The following DOCK2 variants were observed in gnomAD, a reference collection of about 807,000 sequenced individuals.
The protein encoded by DOCK2 is dedicator of cytokinesis 2, also known as dedicator of cytokinesis protein 2.
Under a neutral mutation model 248.9 loss-of-function variants are expected in DOCK2, and 87 were observed. That is an observed-to-expected ratio of 0.35 (90% CI 0.29 to 0.42). The LOEUF is 0.42. Ranked by LOEUF, DOCK2 falls within the 10% of genes least tolerant of loss-of-function variation. The pLI, the probability that DOCK2 is intolerant of heterozygous loss-of-function variation, is 1.00. For synonymous variants in DOCK2, 805 were observed against 821.6 expected (o/e 0.98, Z 0.35); for missense variants, 1,747 against 2,300.2 (o/e 0.76, Z 4.92).
chr5:169,645,335 G>T (rs1359125397), intron 1 of DOCK2, among the ~76,000 whole-genome samples: 1 of 152,180 alleles, frequency 6.6e-6, no homozygotes, highest in African/African-American at 2.4e-5. Context: ...ATTCTGACTG[G>T]CATGAGATGG....
chr5:169,956,354 A>G (rs11740357), intron 27 of DOCK2, among the ~76,000 whole-genome samples: 58,243 of 152,088 alleles, frequency 0.38, 11,404 homozygotes, highest in South Asian at 0.51. Context: ...AAGTGATACT[A>G]CTAACTTAAG....
intron 27 of DOCK2, among the ~76,000 whole-genome samples, chr5:169,898,251 A>G (rs545156976): frequency 4.3e-4 from 66 of 152,266 alleles, no homozygotes; most frequent in Non-Finnish European, 7.2e-4. Context: ...ACTGGCTGCC[A>G]TGGTCTCCTT....
intron 29 of DOCK2, among the ~76,000 whole-genome samples, chr5:169,991,024 A>G (rs1170533949): frequency 6.6e-6 from 1 of 152,236 alleles, no homozygotes; most frequent in East Asian, 1.9e-4. Context: ...ACTGCAGCTC[A>G]TTTAGTCTTC....
intron 1 of DOCK2, among the ~76,000 whole-genome samples, chr5:169,643,145 A>G (rs927807335): frequency 2.1e-4 from 32 of 152,288 alleles, no homozygotes; most frequent in African/African-American, 6.7e-4. Flanking sequence ...AAAAACAGTC[A>G]GGCTGAGTTT....
At chr5:169,670,867 C>G (rs1183606323) in intron 4 of DOCK2, among the ~76,000 whole-genome samples, 1 of 152,140 alleles carries the variant, frequency 6.6e-6, no homozygotes, top group Non-Finnish European at 1.5e-5. Flanking sequence ...GTAGATTAAT[C>G]CTAAATAATG....
intron 2 of DOCK2, among the ~76,000 whole-genome samples, chr5:169,658,589 T>A (rs943211376): frequency 2.0e-5 from 3 of 152,062 alleles, no homozygotes; most frequent in Admixed American, 1.3e-4. Context: ...TCTGTCATTC[T>A]ATGTATATAA....
chr5:169,785,516 A>G (rs1435380960), intron 25 of DOCK2, among the ~76,000 whole-genome samples: 1 of 152,248 alleles, frequency 6.6e-6, no homozygotes, highest in Non-Finnish European at 1.5e-5. Flanking sequence ...AGAACTCTCC[A>G]CATATTTCTT....
At chr5:169,735,740 A>G (rs1295043231) in intron 22 of DOCK2, among the ~76,000 whole-genome samples, 2 of 152,200 alleles carry the variant, frequency 1.3e-5, no homozygotes, top group East Asian at 1.9e-4. Context: ...ACTTTAGCCA[A>G]GTAAAAGCTG....
chr5:169,955,655 C>A (rs988640165), intron 27 of DOCK2, among the ~76,000 whole-genome samples: 4 of 152,150 alleles, frequency 2.6e-5, no homozygotes, highest in Admixed American at 2.6e-4. Flanking sequence ...AGAAGGCAGG[C>A]AAACCTGGTT....
Position 169,651,535 on chromosome 5 carries a change from C to T in DOCK2, c.44-2868C>T, listed in dbSNP as rs1757804700. The stretch of plus-strand genomic sequence containing the variant: ...ATCTGATGGACACCCCTGATTTGCT[C>T]GTGCTCCAGAGACTAACACACATTG... On this transcript the variant is annotated intron_variant, in intron 1 of 51. Coordinates refer to ENST00000520908, the MANE Select transcript of DOCK2 (RefSeq NM_004946.3). Among the ~76,000 whole-genome samples the T allele has an allele frequency of 3.9e-5, 6 of 152,252 alleles. No homozygotes were observed. In the Middle Eastern group the frequency reaches 0.01, roughly 259 times the overall value.
At chr5:169,902,025 A>G (rs181931227) in intron 27 of DOCK2, among the ~76,000 whole-genome samples, 8 of 152,336 alleles carry the variant, frequency 5.3e-5, no homozygotes, top group Non-Finnish European at 1.0e-4. Context: ...CAGATGCCCA[A>G]TCAGTCAAAC....
In DOCK2 at chr5:169,674,410, G is replaced by T. The variant is rs1246809052; in HGVS notation, c.435G>T (p.Lys145Asn). 1 of 1,614,062 alleles carries T rather than the reference G, an allele frequency of 6.2e-7. No homozygotes were observed. Among genetic ancestry groups the T allele is most frequent in the Non-Finnish European group, 8.5e-7 (1 of 1,180,008 alleles). Residue 145 changes from lysine (K) to asparagine (N), a missense_variant, in exon 6 of 52, where the codon AAG becomes AAT. Around this residue, in one of 4 missense-constraint regions of DOCK2, gnomAD observed 375 missense variants for 510.9 expected, o/e 0.73. Coordinates refer to ENST00000520908, the MANE Select transcript of DOCK2 (RefSeq NM_004946.3). ...TLPKDELKELKQKVTSKIDYG... is the reference protein window; with the variant it reads ...TLPKDELKELNQKVTSKIDYG... ...CCAAGGATGAGCTGAAGGAACTGAA[G>T]CAGAAAGTCACGTCCAAAATTGACT...
At chr5:169,812,867 A>G (rs1328157892) in intron 26 of DOCK2, among the ~76,000 whole-genome samples, 1 of 152,236 alleles carries the variant, frequency 6.6e-6, no homozygotes, top group East Asian at 1.9e-4. Context: ...AGAACTCTGT[A>G]GCCCCATTAG....
rs555260204 is a variant in DOCK2 at position 169,974,167 on chromosome 5, C to T, written c.2800-8901C>T. Among the ~76,000 whole-genome samples, 85 of 152,310 alleles carry T rather than the reference C, an allele frequency of 5.6e-4. 1 individual carries two copies. The highest frequency in any genetic ancestry group is 1.9e-3 in the African/African-American group (81 of 41,566). On this transcript the variant is annotated intron_variant, in intron 27 of 51. Transcript: ENST00000520908. Reference sequence around the variant, plus strand: ...AGCTGATCTAGGCAACCTATATCCCCTCTCTGTTCGTTGGTTTTCTTATCT... The same window carrying T: ...AGCTGATCTAGGCAACCTATATCCCTTCTCTGTTCGTTGGTTTTCTTATCT...
intron 22 of DOCK2, among the ~76,000 whole-genome samples, chr5:169,744,895 G>A (rs1763519921): frequency 6.6e-6 from 1 of 152,152 alleles, no homozygotes; most frequent in Admixed American, 6.5e-5. Context: ...GAGGACCTGG[G>A]CAGAACTCCC....
intron 25 of DOCK2, among the ~76,000 whole-genome samples, chr5:169,791,853 A>T (rs1278904567): frequency 6.6e-6 from 1 of 152,216 alleles, no homozygotes; most frequent in Admixed American, 6.5e-5. Context: ...TGTACATTGC[A>T]TATCTCTCAC....
intron 27 of DOCK2, among the ~76,000 whole-genome samples, chr5:169,898,210 C>T (rs926022352): frequency 3.3e-5 from 5 of 152,142 alleles, no homozygotes; most frequent in African/African-American, 7.2e-5. Flanking sequence ...GGGGCTCCCA[C>T]AGCTCTACCC....
chr5:169,737,734 C>A (rs1451257096), intron 22 of DOCK2, among the ~76,000 whole-genome samples: 1 of 152,210 alleles, frequency 6.6e-6, no homozygotes, highest in Non-Finnish European at 1.5e-5. Context: ...TTCCAGACAG[C>A]TGAACACGTG....
chr5:169,700,171 G>A, intron 13 of DOCK2, 32 bp downstream of exon 13: 2 of 1,604,052 alleles, frequency 1.2e-6, no homozygotes, highest in Non-Finnish European at 1.7e-6. Flanking sequence ...CTTCCCCTGG[G>A]GACATAGGGG....
Sources: gnomAD v4.1 joint callset for allele counts (sites outside exome capture counted in the v4.1 genomes callset) on GRCh38, gnomAD v4.1.1 for gene constraint, gnomAD v4.1.1 regional missense constraint, MANE v1.5 for transcripts, NCBI Gene and HGNC (gene_info 2026-07-23, HGNC 2026-07-21) for gene names.